ALKBH3: variants seen among roughly 807,000 people sequenced by gnomAD.
ALKBH3 encodes alpha-ketoglutarate-dependent dioxygenase alkB homolog 3.
A neutral mutation model predicts 43.9 loss-of-function variants in ALKBH3; 51 were observed. That is an observed-to-expected ratio of 1.16 (90% CI 0.93 to 1.47). The LOEUF is 1.47. ALKBH3 is among the 40% of genes most tolerant of loss of function. The pLI is 0.00. For synonymous variants in ALKBH3, 102 were observed against 115.2 expected (o/e 0.89, Z 0.73); for missense variants, 361 against 351.9 (o/e 1.03, Z -0.21).
chr11:43,900,218 T>A lies in ALKBH3; in HGVS notation c.460-1298T>A, dbSNP rs1277816516. On this transcript the variant is annotated intron_variant, in intron 7 of 9. Coordinates refer to ENST00000302708, the MANE Select transcript of ALKBH3 (RefSeq NM_139178.4). ...GCATTTTTTTTATTTTAATTTAATTTTTTTTTTTTTTTTTTTTTTTTTTGC... is the reference window on the plus strand; with the variant it reads ...GCATTTTTTTTATTTTAATTTAATTATTTTTTTTTTTTTTTTTTTTTTTGC... Among the ~76,000 whole-genome samples, 3 of 115,410 alleles carry A rather than the reference T, an allele frequency of 2.6e-5. 1 individual carries two copies. The highest frequency in any genetic ancestry group is 5.6e-5 in the Non-Finnish European group (3 of 53,144). The allele number at this position is 115,410 out of a possible 152,430, so 75.7% of individuals were successfully genotyped here. A position where few individuals can be genotyped will look rare whatever the true frequency, so the allele number is the denominator to read the frequency against.
chr11:43,887,714 T>C (rs1951755804), intron 5 of ALKBH3, among the ~76,000 whole-genome samples: 1 of 152,258 alleles, frequency 6.6e-6, no homozygotes, highest in Non-Finnish European at 1.5e-5. Flanking sequence ...TTATACTTCA[T>C]GTATATTACA....
intron 5 of ALKBH3, 52 bp from the exon 6 acceptor site, chr11:43,889,673 C>G: frequency 6.6e-7 from 1 of 1,505,884 alleles, no homozygotes; most frequent in Non-Finnish European, 9.2e-7. Context: ...CATTTAGAGT[C>G]TAACTTATCT....
chr11:43,920,080 G>C lies in ALKBH3; in HGVS notation c.*70G>C. 1 of 1,389,412 alleles carries C rather than the reference G, an allele frequency of 7.2e-7. No individual in the cohort carries two copies. The highest frequency in any genetic ancestry group is 1.8e-4 in the Middle Eastern group (1 of 5,474). The allele number at this position is 1,389,412 out of a possible 1,614,324, so 86.1% of individuals were successfully genotyped here. A position where few individuals can be genotyped will look rare whatever the true frequency, so the allele number is the denominator to read the frequency against. On this transcript the variant is annotated 3_prime_UTR_variant, in exon 10 of 10. Coordinates refer to ENST00000302708, the MANE Select transcript of ALKBH3 (RefSeq NM_139178.4). Reference sequence around the variant, plus strand: ...TTCCACTGAGAAGCCACTTCAAGAGGCTGGTGCTGCTAGATCTCATGATGT... The same window carrying C: ...TTCCACTGAGAAGCCACTTCAAGAGCCTGGTGCTGCTAGATCTCATGATGT...
intron 4 of ALKBH3, among the ~76,000 whole-genome samples, chr11:43,884,863 C>T (rs1951736804): frequency 6.6e-6 from 1 of 152,138 alleles, no homozygotes; most frequent in Non-Finnish European, 1.5e-5. Context: ...GTGATCCTCC[C>T]ACCTCAGCCT....
At chr11:43,898,770 G>A in intron 7 of ALKBH3, 1 of 748,568 alleles carries the variant, frequency 1.3e-6, no homozygotes, top group Admixed American at 1.8e-5. Context: ...TCTGGACGCT[G>A]GTTAGTCCAT....
chr11:43,898,689 G>A (rs1951838664), intron 7 of ALKBH3: 2 of 716,068 alleles, frequency 2.8e-6, no homozygotes, highest in Non-Finnish European at 5.2e-6. Context: ...TCATCGAGGT[G>A]GTGAAGGCCA....
intron 4 of ALKBH3, among the ~76,000 whole-genome samples, chr11:43,885,368 A>G (rs934394459): frequency 2.6e-5 from 4 of 152,248 alleles, no homozygotes; most frequent in African/African-American, 9.6e-5. Context: ...TCAGGGAAAC[A>G]TTATAGACGA....
In ALKBH3 at chr11:43,899,678, A is replaced by G. The variant is rs113267726; in HGVS notation, c.460-1838A>G. 226 of 369,388 alleles carry G rather than the reference A, an allele frequency of 6.1e-4. 2 individuals carry two copies. Among genetic ancestry groups the G allele is most frequent in the African/African-American group, 4.4e-3 (208 of 47,306 alleles). The allele number at this position is 369,388 out of a possible 1,614,324, so 22.9% of individuals were successfully genotyped here. On this transcript the variant is annotated intron_variant, in intron 7 of 9. Coordinates refer to ENST00000302708, the MANE Select transcript of ALKBH3 (RefSeq NM_139178.4). Reference sequence around the variant, plus strand: ...TGGACTCCTCTCACCTCTAGAGAGCAAATAGCTCTCCAGATGGTAAACATA... The same window carrying G: ...TGGACTCCTCTCACCTCTAGAGAGCGAATAGCTCTCCAGATGGTAAACATA...
At chr11:43,914,088 T>G (rs1951962717) in intron 8 of ALKBH3, among the ~76,000 whole-genome samples, 1 of 152,184 alleles carries the variant, frequency 6.6e-6, no homozygotes, top group South Asian at 2.1e-4. Context: ...TGCTACTTGC[T>G]GGTGTTTGTG....
intron 9 of ALKBH3, chr11:43,919,558 G>A (rs1952010490): frequency 6.8e-6 from 2 of 293,636 alleles, no homozygotes; most frequent in Non-Finnish European, 1.3e-5. Flanking sequence ...CATTTCTAAG[G>A]TGCACATGTT....
chr11:43,902,695 C>G (rs1191500106), intron 8 of ALKBH3, among the ~76,000 whole-genome samples: 4 of 152,256 alleles, frequency 2.6e-5, no homozygotes, highest in African/African-American at 9.6e-5. Context: ...CTCCCCAGTT[C>G]AAGCGATTCA....
rs937952565 is a variant in ALKBH3, at chr11:43,920,178, G to A, written c.*168G>A. 1.8e-5 allele frequency: 11 copies of A among 609,034 alleles called. No homozygotes were observed. The highest frequency in any genetic ancestry group is 1.3e-4 in the African/African-American group (7 of 53,966). The allele number at this position is 609,034 out of a possible 1,614,324, so 37.7% of individuals were successfully genotyped here. On this transcript the variant is annotated 3_prime_UTR_variant, in exon 10 of 10. Transcript: ENST00000302708. ...TAAATGAAAGCCAGCAACTCATGTT[G>A]GTAATAGGTCTACTGTGGGAACAGT...
intron 7 of ALKBH3, among the ~76,000 whole-genome samples, chr11:43,901,134 C>T (rs1002981127): frequency 6.6e-6 from 1 of 152,198 alleles, no homozygotes; most frequent in Non-Finnish European, 1.5e-5. Context: ...AGTGACATAT[C>T]GGCTTTGCTG....
In ALKBH3 at chr11:43,907,904, A is replaced by G. The variant is rs1359541880; in HGVS notation, c.669+6179A>G. Among the ~76,000 whole-genome samples, 10 of 152,184 alleles carry G rather than the reference A, an allele frequency of 6.6e-5. No individual in the cohort carries two copies. In the South Asian group the frequency reaches 2.1e-3, roughly 32 times the overall value. ...TGATTGGCAATTTTAAAAGGTCACT[A>G]TTGCTACTGCATGGAGCCTGGACTA... is the stretch of plus-strand genomic sequence containing the variant. On this transcript the variant is annotated intron_variant, in intron 8 of 9. Transcript: ENST00000302708.
At chr11:43,895,819 T>C (rs949428981) in intron 7 of ALKBH3, among the ~76,000 whole-genome samples, 1 of 152,238 alleles carries the variant, frequency 6.6e-6, no homozygotes, top group African/African-American at 2.4e-5. Flanking sequence ...GTCATCATCA[T>C]GCGCTTCCAG....
chr11:43,919,766 C>T, intron 9 of ALKBH3, 152 bp from the exon 10 acceptor site: 1 of 682,920 alleles, frequency 1.5e-6, no homozygotes, highest in Non-Finnish European at 2.5e-6. Flanking sequence ...AAAGAAGGGA[C>T]CTTTCTCCAC....
At chr11:43,903,883 C>T (rs925643332) in intron 8 of ALKBH3, among the ~76,000 whole-genome samples, 5 of 152,166 alleles carry the variant, frequency 3.3e-5, no homozygotes, top group Admixed American at 6.5e-5. Flanking sequence ...AGAAATACCC[C>T]GTTTCTTCTC....
intron 4 of ALKBH3, 108 bp from the exon 5 acceptor site, chr11:43,886,498 T>A: frequency 9.8e-7 from 1 of 1,022,814 alleles, no homozygotes; most frequent in East Asian, 2.4e-5. Context: ...CATAACTAAA[T>A]GACTTTGGTG....
chr11:43,883,948 C>T (rs1951730889), intron 3 of ALKBH3, 35 bp from the exon 4 acceptor site: 6 of 1,611,496 alleles, frequency 3.7e-6, no homozygotes, highest in Non-Finnish European at 5.1e-6. Flanking sequence ...GGATTAAGAA[C>T]ATCCCAGAAG....
Sources: allele counts gnomAD v4.1 joint callset (sites outside exome capture counted in the v4.1 genomes callset), GRCh38; gene constraint gnomAD v4.1.1; transcripts MANE v1.5; gene names NCBI Gene and HGNC (gene_info 2026-07-23, HGNC 2026-07-21).